The following SLCO2B1 variants were observed in gnomAD, a reference collection of about 807,000 sequenced individuals.
The protein encoded by SLCO2B1 is OATP-RP2.
SLCO2B1 carries 41 observed loss-of-function variants against 67.3 expected under a neutral mutation model. The observed-to-expected ratio is 0.61, with a 90% CI of 0.47 to 0.79. The LOEUF (loss-of-function observed/expected upper bound fraction) is 0.79, where lower values mean the gene tolerates loss of function less well. Among genes scored for constraint, SLCO2B1 ranks in the 30% least tolerant of loss-of-function variants. The pLI, the probability that SLCO2B1 is intolerant of heterozygous loss-of-function variation, is 0.00. For missense variants in SLCO2B1, 837 were observed against 920.1 expected, an observed-to-expected ratio of 0.91 and a Z score of 1.17; for synonymous variants, 379 against 381.4, an observed-to-expected ratio of 0.99 and a Z score of 0.07.
At chr11:75,195,881 CTCCCTCTGACA>C (rs975140799) in intron 9 of SLCO2B1, among the ~76,000 whole-genome samples, 6 of 152,320 alleles carry the variant, frequency 3.9e-5, no homozygotes, top group East Asian at 3.9e-4. Context: ...CAGACTAAGC[CTCCCTCTGACA>C]TCCTGCCCCT....
intron 10 of SLCO2B1, among the ~76,000 whole-genome samples, chr11:75,196,916 G>C (rs1333260195): frequency 2.6e-5 from 4 of 152,196 alleles, no homozygotes; most frequent in African/African-American, 9.7e-5. Flanking sequence ...AATGACTTGA[G>C]GTCAGGAGTT....
intron 10 of SLCO2B1, among the ~76,000 whole-genome samples, chr11:75,197,642 CGCTTGAG>C (rs1305601992): frequency 6.6e-6 from 1 of 152,156 alleles, no homozygotes; most frequent in Admixed American, 6.5e-5. Context: ...TGTTTGATCA[CGCTTGAG>C]GCCATAGTGT....
intron 3 of SLCO2B1, among the ~76,000 whole-genome samples, chr11:75,165,244 C>T (rs943659454): frequency 1.3e-5 from 2 of 151,990 alleles, no homozygotes; most frequent in African/African-American, 4.8e-5. Context: ...CCTGCCTGGC[C>T]GACATGGTGA....
At chr11:75,183,512 GC>G (rs1158660091) in intron 7 of SLCO2B1, among the ~76,000 whole-genome samples, 2 of 152,154 alleles carry the variant, frequency 1.3e-5, no homozygotes, top group Admixed American at 6.6e-5. Flanking sequence ...GACTCAGGGG[GC>G]TAGTGGATAA....
At chr11:75,152,689 T>C (rs879385081) in intron 1 of SLCO2B1, among the ~76,000 whole-genome samples, 3 of 152,144 alleles carry the variant, frequency 2.0e-5, no homozygotes, top group Non-Finnish European at 4.4e-5. Flanking sequence ...CAGTACTATT[T>C]TTCTGACCCC....
At chr11:75,195,378 G>A (rs1945084389) in intron 9 of SLCO2B1, among the ~76,000 whole-genome samples, 1 of 151,912 alleles carries the variant, frequency 6.6e-6, no homozygotes, top group Admixed American at 6.6e-5. Flanking sequence ...CCCACCCCGA[G>A]GGAGATGTGC....
chr11:75,161,263 T>G (rs1327198197), intron 1 of SLCO2B1, among the ~76,000 whole-genome samples: 1 of 152,142 alleles, frequency 6.6e-6, no homozygotes, highest in Non-Finnish European at 1.5e-5. Context: ...AGACAAATAG[T>G]AGATGAGTGT....
At chr11:75,190,985 G>T (rs1331334206) in intron 8 of SLCO2B1, among the ~76,000 whole-genome samples, 3 of 152,194 alleles carry the variant, frequency 2.0e-5, no homozygotes, top group African/African-American at 7.2e-5. Flanking sequence ...TGCCCTCCAG[G>T]AATTTTCCAT....
At chr11:75,176,128 T>G (rs879863729) in intron 7 of SLCO2B1, among the ~76,000 whole-genome samples, 1 of 152,222 alleles carries the variant, frequency 6.6e-6, no homozygotes, top group Non-Finnish European at 1.5e-5. Context: ...CATGGACTCC[T>G]GGCAGATGGC....
chr11:75,164,853 T>C (rs532171496), intron 3 of SLCO2B1, among the ~76,000 whole-genome samples: 1 of 152,270 alleles, frequency 6.6e-6, no homozygotes, highest in East Asian at 1.9e-4. Flanking sequence ...CTCTGGGAGT[T>C]TGGGCAAGTC....
chr11:75,184,317 T>C (rs1950124056), intron 7 of SLCO2B1, among the ~76,000 whole-genome samples: 1 of 152,134 alleles, frequency 6.6e-6, no homozygotes, highest in Non-Finnish European at 1.5e-5. Flanking sequence ...GAGCTCAGGG[T>C]CCAGCAGGGG....
In SLCO2B1 at chr11:75,193,647, A is replaced by C. The variant is rs1317593389; in HGVS notation, c.1433+72A>C. ...CAGGGAGGACAGGGGCCCTGGGCAGAGGCCAGGATGGCAGGGCAACCCCTG... is the reference window on the plus strand; with the variant it reads ...CAGGGAGGACAGGGGCCCTGGGCAGCGGCCAGGATGGCAGGGCAACCCCTG... On this transcript the variant is annotated intron_variant, in intron 9 of 13. Transcript: ENST00000289575. The surrounding 1 kb of genome is among the most constrained non-coding windows in gnomAD (Gnocchi z 4.2). The C allele has an allele frequency of 2.2e-6, 3 of 1,378,348 alleles. No individual in the cohort carries two copies. Among genetic ancestry groups the C allele is most frequent in the Non-Finnish European group, 2.9e-6 (3 of 1,025,264 alleles). 85.4% of individuals were successfully genotyped at this position (1,378,348 alleles called of 1,614,324 possible).
intron 7 of SLCO2B1, among the ~76,000 whole-genome samples, chr11:75,180,608 A>G (rs536371953): frequency 1.3e-5 from 2 of 152,292 alleles, no homozygotes; most frequent in African/African-American, 4.8e-5. Context: ...CTGTGTTTGC[A>G]TATGCTTTTC....
rs1365533991 is a variant in SLCO2B1, at chr11:75,205,302, C to T, written c.*722C>T. 1 of 152,294 alleles carries T rather than the reference C, an allele frequency of 6.6e-6. No individual in the cohort carries two copies. Among genetic ancestry groups the T allele is most frequent in the East Asian group, 1.9e-4 (1 of 5,188 alleles). The allele number at this position is 152,294 out of a possible 1,614,324, so 9.4% of individuals were successfully genotyped here. A position where few individuals can be genotyped will look rare whatever the true frequency, so the allele number is the denominator to read the frequency against. On this transcript the variant is annotated 3_prime_UTR_variant, in exon 14 of 14. Transcript: ENST00000289575. Reference sequence around the variant, plus strand: ...CATCTCAGGAAATTCTAGCCCTTGCCCTCAGGGAGCCACGGTTGAGGGTGA... The same window carrying T: ...CATCTCAGGAAATTCTAGCCCTTGCTCTCAGGGAGCCACGGTTGAGGGTGA...
chr11:75,163,385 A>G (rs1949846729), intron 2 of SLCO2B1, among the ~76,000 whole-genome samples: 1 of 152,112 alleles, frequency 6.6e-6, no homozygotes, highest in African/African-American at 2.4e-5. Context: ...GACTCCAGGC[A>G]GGTTGCGATG....
intron 7 of SLCO2B1, among the ~76,000 whole-genome samples, chr11:75,186,271 C>T (rs966659922): frequency 2.5e-4 from 37 of 150,992 alleles, no homozygotes; most frequent in Admixed American, 1.5e-3. Context: ...TGCAGTGGTA[C>T]GATCTCAGCT....
chr11:75,203,102 G>T, intron 12 of SLCO2B1, 137 bp downstream of exon 12: 1 of 1,135,420 alleles, frequency 8.8e-7, no homozygotes, highest in Non-Finnish European at 1.3e-6. Flanking sequence ...GACAGACCTG[G>T]CCCAGCTCTC....
Position 75,162,679 on chromosome 11 carries a change from T to C in SLCO2B1, c.41T>C (p.Val14Ala), listed in dbSNP as rs1331570880. 1.9e-6 allele frequency: 3 copies of C among 1,613,550 alleles called. No individual in the cohort carries two copies. The highest frequency in any genetic ancestry group is 2.5e-6 in the Non-Finnish European group (3 of 1,179,910). Residue 14 changes from valine (V) to alanine (A), a missense_variant, in exon 2 of 14, where the codon GTA (valine) becomes GCA (alanine). Coordinates refer to ENST00000289575, the MANE Select transcript of SLCO2B1 (RefSeq NM_007256.5). ...RIGPAGEVPQ[V>A]PDKETKATMG... ...GGGCCAGCGGGTGAGGTACCCCAGG[T>C]ACCAGACAAGGAAACCAAAGCCACA...
At chr11:75,161,644 A>T (rs138541570) in intron 1 of SLCO2B1, among the ~76,000 whole-genome samples, 15 of 152,274 alleles carry the variant, frequency 9.9e-5, no homozygotes, top group African/African-American at 3.6e-4. Flanking sequence ...GAGTGAAAGG[A>T]AACTCCTGCC....
Sources: gnomAD v4.1 joint callset for allele counts (sites outside exome capture counted in the v4.1 genomes callset) on GRCh38, gnomAD v4.1.1 for gene constraint, Gnocchi (gnomAD v3.1) non-coding constraint, MANE v1.5 for transcripts, NCBI Gene and HGNC (gene_info 2026-07-23, HGNC 2026-07-21) for gene names.